Variants in NUP58 observed in about 807,000 individuals in gnomAD.
NUP58 encodes nucleoporin p58/p45.
In NUP58, 17 loss-of-function variants were observed where a neutral mutation model predicts 70.1. The observed-to-expected ratio is 0.24, with a 90% CI of 0.17 to 0.36. The LOEUF is 0.36. Ranked by LOEUF, NUP58 falls within the 10% of genes least tolerant of loss-of-function variation. The probability of loss-of-function intolerance (pLI) is 1.00; values close to 1 mark genes in which losing one functional copy is unlikely to be tolerated. For synonymous variants in NUP58, 275 were observed against 257.6 expected (o/e 1.07, Z -0.65); for missense variants, 644 against 701.5 (o/e 0.92, Z 0.93).
In NUP58 at chr13:25,338,695, G is replaced by A; in HGVS notation, c.1594G>A (p.Gly532Arg). 2 of 1,613,652 alleles carry A rather than the reference G, an allele frequency of 1.2e-6. No individual in the cohort carries two copies. The highest frequency in any genetic ancestry group is 1.7e-6 in the Non-Finnish European group (2 of 1,179,730). ...STTGASTFGF[G>R]TTNKPSGSLS... ...CACAGGGGCCTCCACATTTGGATTT[G>A]GAACAACAAATAAACCCTCAGGAAG... Residue 532 changes from glycine to arginine, a missense_variant, in exon 15 of 16, where the codon GGA (glycine) becomes AGA (arginine). Around this residue, in one of 4 missense-constraint regions of NUP58, gnomAD observed 132 missense variants for 203.9 expected, o/e 0.65. Transcript: ENST00000381736.
chr13:25,308,632 A>T (rs184176137), intron 2 of NUP58, among the ~76,000 whole-genome samples: 79 of 152,210 alleles, frequency 5.2e-4, no homozygotes, highest in Non-Finnish European at 2.4e-4. Flanking sequence ...TTCCTAAGAG[A>T]TGTTTTACAT....
At chr13:25,327,117 C>T (rs1011235514) in intron 11 of NUP58, 83 bp downstream of exon 11, 21 of 734,476 alleles carry the variant, frequency 2.9e-5, no homozygotes, top group Admixed American at 7.8e-5. Flanking sequence ...TTTTGGATAA[C>T]TACTGGTAGC....
At chr13:25,331,717 T>G in intron 13 of NUP58, 159 bp downstream of exon 13, 1 of 1,433,898 alleles carries the variant, frequency 7.0e-7, no homozygotes, top group Non-Finnish European at 9.1e-7. Context: ...TAAACATACC[T>G]GATAAAAAAG....
At chr13:25,308,140 C>A in intron 2 of NUP58, 192 bp downstream of exon 2, 1 of 494,706 alleles carries the variant, frequency 2.0e-6, no homozygotes, top group East Asian at 3.1e-5. Flanking sequence ...CTGTCATCTA[C>A]TCTGATATAA....
rs895489699 is a variant in NUP58, at chr13:25,321,062, A to G, written c.920A>G (p.Asn307Ser). Reference sequence around the variant, plus strand: ...AATGGAATACAGAGAAACACTCTCAACATTGACAAATTGAAAATAGAAACT... The same window carrying G: ...AATGGAATACAGAGAAACACTCTCAGCATTGACAAATTGAAAATAGAAACT... ...AANGIQRNTL[N>S]IDKLKIETAQ... The change falls in exon 9 of 16, where the codon AAC (asparagine) becomes AGC (serine). Residue 307 changes from asparagine to serine, a missense_variant. By Grantham distance (46) the Asn-to-Ser change is conservative. Transcript: ENST00000381736. 3.8e-6 allele frequency: 6 copies of G among 1,590,238 alleles called. No individual in the cohort carries two copies. Among genetic ancestry groups the G allele is most frequent in the Middle Eastern group, 1.7e-4 (1 of 6,012 alleles).
intron 12 of NUP58, among the ~76,000 whole-genome samples, chr13:25,327,733 T>G (rs1371201370): frequency 6.6e-6 from 1 of 152,250 alleles, no homozygotes; most frequent in Non-Finnish European, 1.5e-5. Context: ...TTATAACTTT[T>G]TTTTAAGCAG....
Position 25,340,185 on chromosome 13 carries a change from A to C in NUP58, c.*51A>C. 1 of 1,417,086 alleles carries C rather than the reference A, an allele frequency of 7.1e-7. No individual in the cohort carries two copies. The highest frequency in any genetic ancestry group is 9.3e-7 in the Non-Finnish European group (1 of 1,073,778). The allele number at this position is 1,417,086 out of a possible 1,614,324, so 87.8% of individuals were successfully genotyped here. On this transcript the variant is annotated 3_prime_UTR_variant, in exon 16 of 16. Coordinates refer to ENST00000381736, the MANE Select transcript of NUP58 (RefSeq NM_014089.4). ...CCATAGCAGCACCGTTCATTCTATG[A>C]GTCTATTTTTCTAATGATGCAGTAA... is the stretch of plus-strand genomic sequence containing the variant.
chr13:25,308,621 G>A lies in NUP58; in HGVS notation c.251-626G>A, dbSNP rs542603201. ...TTACCATGCCTGGTCTATAATTTAC[G>A]TTCCTAAGAGATGTTTTACATTTTT... On this transcript the variant is annotated intron_variant, in intron 2 of 15. Coordinates refer to ENST00000381736, the MANE Select transcript of NUP58 (RefSeq NM_014089.4). Among the ~76,000 whole-genome samples, 34 of 152,110 alleles carry A rather than the reference G, an allele frequency of 2.2e-4. 2 individuals are homozygous for A. In the South Asian group the frequency reaches 6.8e-3, roughly 31 times the overall value.
chr13:25,343,441 G>T (rs189826010), downstream of NUP58, among the ~76,000 whole-genome samples: 75 of 151,412 alleles, frequency 5.0e-4, no homozygotes, highest in African/African-American at 1.8e-3. Flanking sequence ...ATCCCATCCA[G>T]GCTGCAAATG....
At chr13:25,315,299 G>A in intron 5 of NUP58, 58 bp from the exon 6 acceptor site, 1 of 1,245,278 alleles carries the variant, frequency 8.0e-7, no homozygotes, top group Admixed American at 1.9e-5. Flanking sequence ...CCTTTGATCA[G>A]TAAGGGGAAA....
At chr13:25,318,189 A>G (rs1009369106) in intron 6 of NUP58, among the ~76,000 whole-genome samples, 1 of 152,044 alleles carries the variant, frequency 6.6e-6, no homozygotes, top group Admixed American at 6.6e-5. Flanking sequence ...CTAGCCGGGC[A>G]CAGTGGCAGG....
chr13:25,342,350 C>G lies in NUP58; in HGVS notation c.*2216C>G, dbSNP rs1209000108. The G allele has an allele frequency of 6.6e-6, 1 of 152,526 alleles. No homozygotes were observed. The highest frequency in any genetic ancestry group is 2.4e-5 in the African/African-American group (1 of 41,414). The allele number at this position is 152,526 out of a possible 1,614,324, so 9.4% of individuals were successfully genotyped here. ...AGGAGTTTAAATGTGTTGTCATTGTCTCCATTGTCTTTGTCCAGAGCCTAT... is the reference window on the plus strand; with the variant it reads ...AGGAGTTTAAATGTGTTGTCATTGTGTCCATTGTCTTTGTCCAGAGCCTAT... On this transcript the variant is annotated 3_prime_UTR_variant, in exon 16 of 16. Coordinates refer to ENST00000381736, the MANE Select transcript of NUP58 (RefSeq NM_014089.4).
At chr13:25,333,072 A>G in intron 13 of NUP58, 1 of 985,236 alleles carries the variant, frequency 1.0e-6, no homozygotes, top group South Asian at 4.7e-5. Flanking sequence ...TTGTAAGTGA[A>G]TATATTCTAT....
At chr13:25,336,687 C>T (rs2031797082) in intron 13 of NUP58, among the ~76,000 whole-genome samples, 1 of 152,018 alleles carries the variant, frequency 6.6e-6, no homozygotes, top group South Asian at 2.1e-4. Context: ...CGGTAAGCCT[C>T]TTTTAATTGT....
chr13:25,305,141 T>TGTTTGTTGG (rs371774112), intron 1 of NUP58, among the ~76,000 whole-genome samples: 1 of 118,812 alleles, frequency 8.4e-6, no homozygotes, highest in African/African-American at 4.1e-5. Context: ...TTTTTTTTTT[T>TGTTTGTTGG]TTTTTTTTTT....
At chr13:25,343,842 C>T (rs907086661), downstream of NUP58, among the ~76,000 whole-genome samples, 43 of 145,846 alleles carry the variant, frequency 2.9e-4, no homozygotes, top group South Asian at 1.5e-3. Context: ...TATATATATA[C>T]GCACACACAC....
At chr13:25,346,967 C>T (rs531786606), downstream of NUP58, among the ~76,000 whole-genome samples, 39 of 152,202 alleles carry the variant, frequency 2.6e-4, no homozygotes, top group Middle Eastern at 6.8e-3. Context: ...ATCTCAAATG[C>T]TTGGGACAAG....
intron 5 of NUP58, among the ~76,000 whole-genome samples, chr13:25,314,923 G>A (rs572361188): frequency 1.3e-5 from 2 of 152,078 alleles, no homozygotes; most frequent in South Asian, 2.1e-4. Context: ...TTCAATACAT[G>A]TTATATTCAA....
At chr13:25,312,395 C>G (rs1465409510) in intron 3 of NUP58, among the ~76,000 whole-genome samples, 2 of 152,102 alleles carry the variant, frequency 1.3e-5, no homozygotes, top group East Asian at 3.8e-4. Context: ...GAGACAGAGT[C>G]TCACTCTTGT....
Sources: gnomAD v4.1 joint callset for allele counts (sites outside exome capture counted in the v4.1 genomes callset) on GRCh38, gnomAD v4.1.1 for gene constraint, gnomAD v4.1.1 regional missense constraint, MANE v1.5 for transcripts, NCBI Gene and HGNC (gene_info 2026-07-23, HGNC 2026-07-21) for gene names.